NAALADL2: variants seen among roughly 807,000 people sequenced by gnomAD.
The protein encoded by NAALADL2 is N-acetylated alpha-linked acidic dipeptidase like 2.
NAALADL2 carries 76 observed loss-of-function variants against 87.2 expected under a neutral mutation model. The ratio of observed to expected loss-of-function variants is 0.87; its 90% CI spans 0.72 to 1.05. NAALADL2 has a LOEUF of 1.05. Among genes scored for constraint, NAALADL2 ranks in the 50% least tolerant of loss-of-function variants. NAALADL2 has a pLI of 0.00. For synonymous variants in NAALADL2, 354 were observed against 331.0 expected, an observed-to-expected ratio of 1.07 and a Z score of -0.75; for missense variants, 1,089 against 945.8, an observed-to-expected ratio of 1.15 and a Z score of -1.99.
At chr3:175,301,248 T>C (rs991055379) in intron 4 of NAALADL2, among the ~76,000 whole-genome samples, 1 of 152,056 alleles carries the variant, frequency 6.6e-6, no homozygotes, top group Non-Finnish European at 1.5e-5. Flanking sequence ...TTTAGCTGTG[T>C]CCCAGAGATT....
intron 11 of NAALADL2, among the ~76,000 whole-genome samples, chr3:175,633,223 A>G (rs966957433): frequency 4.6e-5 from 7 of 152,112 alleles, no homozygotes; most frequent in African/African-American, 1.4e-4. Context: ...CGCTTCATTT[A>G]TGCCCAATCC....
At chr3:175,587,023 G>C (rs1463376772) in intron 10 of NAALADL2, among the ~76,000 whole-genome samples, 2 of 152,306 alleles carry the variant, frequency 1.3e-5, no homozygotes, top group East Asian at 1.9e-4. Context: ...AGTAAGATCA[G>C]AGGCATCTTT....
chr3:174,612,283 T>C (rs1368214730), intron 2 of NAALADL2, among the ~76,000 whole-genome samples: 1 of 152,158 alleles, frequency 6.6e-6, no homozygotes, highest in East Asian at 1.9e-4. Flanking sequence ...TTGGGTTAAA[T>C]CTGCTTGTGT....
Position 175,079,187 on chromosome 3 carries a change from T to G in NAALADL2, c.44-17603T>G, listed in dbSNP as rs1485107732. 4 of 152,222 alleles carry G rather than the reference T, an allele frequency of 2.6e-5. No homozygotes were observed. The East Asian group carries it at 5.8e-4, about 22-fold the overall frequency. The allele number at this position is 152,222 out of a possible 1,614,324, so 9.4% of individuals were successfully genotyped here. ...GTGTTTTCCTAATGATTAATGCTAT[T>G]TAGTTTCTTTCCATGTGCTTATTAG... On this transcript the variant is annotated intron_variant, in intron 1 of 13. Coordinates refer to ENST00000454872, the MANE Select transcript of NAALADL2 (RefSeq NM_207015.3).
intron 10 of NAALADL2, among the ~76,000 whole-genome samples, chr3:175,595,090 G>GCA (rs1722066657): frequency 6.6e-6 from 1 of 152,016 alleles, no homozygotes; most frequent in African/African-American, 2.4e-5. Flanking sequence ...TGCACGAAGG[G>GCA]TATTTCCTAT....
At chr3:175,549,392 A>T (rs780616275) in intron 9 of NAALADL2, among the ~76,000 whole-genome samples, 6 of 152,004 alleles carry the variant, frequency 3.9e-5, no homozygotes, top group Non-Finnish European at 5.9e-5. Context: ...TACTCTTAAA[A>T]TTATTTTTTG....
chr3:174,942,855 T>C (rs1197823775), intron 1 of NAALADL2, among the ~76,000 whole-genome samples: 2 of 152,216 alleles, frequency 1.3e-5, no homozygotes, highest in Non-Finnish European at 1.5e-5. Flanking sequence ...ATTGTGAAAT[T>C]CTTGTATTTT....
At chr3:175,763,537 T>G (rs936087308) in intron 13 of NAALADL2, among the ~76,000 whole-genome samples, 2 of 152,174 alleles carry the variant, frequency 1.3e-5, no homozygotes, top group African/African-American at 4.8e-5. Flanking sequence ...TTGTCCTCTC[T>G]TTTATTTAAA....
At chr3:174,778,420 C>T (rs1715487046) in intron 3 of NAALADL2, among the ~76,000 whole-genome samples, 1 of 151,980 alleles carries the variant, frequency 6.6e-6, no homozygotes, top group South Asian at 2.1e-4. Context: ...GATTTTTATT[C>T]ATTCCACAGA....
At chr3:175,275,298 T>G (rs376516697) in intron 4 of NAALADL2, among the ~76,000 whole-genome samples, 1 of 152,206 alleles carries the variant, frequency 6.6e-6, no homozygotes, top group Admixed American at 6.5e-5. Context: ...AAAGAATATA[T>G]ATTCATATAG....
At chr3:174,464,617 T>C (rs558577102) in intron 1 of NAALADL2, among the ~76,000 whole-genome samples, 5 of 152,108 alleles carry the variant, frequency 3.3e-5, no homozygotes, top group Non-Finnish European at 5.9e-5. Context: ...TGGCAGAAAC[T>C]AGCTGTCTAG....
chr3:175,428,268 G>A (rs1445903907), intron 5 of NAALADL2, among the ~76,000 whole-genome samples: 1 of 152,080 alleles, frequency 6.6e-6, no homozygotes, highest in African/African-American at 2.4e-5. Flanking sequence ...CTAGAAAATG[G>A]GAAGTACTCA....
intron 10 of NAALADL2, among the ~76,000 whole-genome samples, chr3:175,585,674 A>T (rs1720444425): frequency 6.6e-6 from 1 of 152,192 alleles, no homozygotes; most frequent in Admixed American, 6.5e-5. Flanking sequence ...TAAGGGCATT[A>T]TAGGAAAAAT....
At chr3:174,959,109 A>G (rs1430370994) in intron 1 of NAALADL2, among the ~76,000 whole-genome samples, 1 of 152,010 alleles carries the variant, frequency 6.6e-6, no homozygotes, top group East Asian at 1.9e-4. Context: ...AGTTCCTTAA[A>G]CATTGTTTTA....
chr3:174,539,977 GAAAAAAAAAAAAAAAAAAA>G (rs57394560), intron 1 of NAALADL2, among the ~76,000 whole-genome samples: 2 of 51,178 alleles, frequency 3.9e-5, no homozygotes, highest in Non-Finnish European at 7.6e-5. Flanking sequence ...GGAAGTTCTG[GAAAAAAAAAAAAAAAAAAA>G]AAAAAAAAAA....
chr3:175,588,087 TA>T (rs201465705), intron 10 of NAALADL2, among the ~76,000 whole-genome samples: 7,630 of 134,724 alleles, frequency 0.057, 388 homozygotes, highest in African/African-American at 0.14. Flanking sequence ...AACCTTGGGG[TA>T]AAAAAAAAAA....
intron 1 of NAALADL2, among the ~76,000 whole-genome samples, chr3:174,493,213 C>T (rs1034354244): frequency 6.6e-6 from 1 of 151,966 alleles, no homozygotes; most frequent in South Asian, 2.1e-4. Flanking sequence ...GAATGTAACC[C>T]GATTTGGATA....
chr3:175,703,091 C>T (rs915166112), intron 11 of NAALADL2, among the ~76,000 whole-genome samples: 4 of 152,100 alleles, frequency 2.6e-5, no homozygotes, highest in African/African-American at 9.7e-5. Flanking sequence ...GCTTAGAAAA[C>T]ATTCCACTGG....
intron 13 of NAALADL2, among the ~76,000 whole-genome samples, chr3:175,766,520 C>T (rs184515425): frequency 2.1e-4 from 32 of 152,118 alleles, no homozygotes; most frequent in African/African-American, 6.3e-4. Flanking sequence ...AAATTTACTT[C>T]CATATTTTTA....
Sources: allele counts gnomAD v4.1 joint callset (sites outside exome capture counted in the v4.1 genomes callset), GRCh38; gene constraint gnomAD v4.1.1; transcripts MANE v1.5; gene names NCBI Gene and HGNC (gene_info 2026-07-23, HGNC 2026-07-21).